SPATC1: variants seen among roughly 807,000 people sequenced by gnomAD.
SPATC1 encodes the protein spermatogenesis and centriole associated 1, also known as speriolin.
Under a neutral mutation model 36.5 loss-of-function variants are expected in SPATC1, and 35 were observed. The ratio of observed to expected loss-of-function variants is 0.96; its 90% CI spans 0.73 to 1.27. The LOEUF is 1.27. Among genes scored for constraint, SPATC1 ranks in the 50% most tolerant of loss-of-function variants. The pLI, the probability that SPATC1 is intolerant of heterozygous loss-of-function variation, is 0.00. For missense variants in SPATC1, 779 were observed against 796.0 expected (o/e 0.98, Z 0.26); for synonymous variants, 361 against 353.6 (o/e 1.02, Z -0.24).
chr8:144,034,707 C>T (rs1333176618), intron 1 of SPATC1, among the ~76,000 whole-genome samples: 4 of 151,990 alleles, frequency 2.6e-5, no homozygotes, highest in South Asian at 2.1e-4. Flanking sequence ...CTGCAACCTC[C>T]GAGTCCAGGG....
chr8:144,031,414 G>A (rs1468968656), intron 1 of SPATC1, among the ~76,000 whole-genome samples: 1 of 148,082 alleles, frequency 6.8e-6, no homozygotes, highest in Non-Finnish European at 1.5e-5. Flanking sequence ...TACATGATGA[G>A]TCACTTCTCT....
chr8:144,030,694 C>A (rs1041688403), intron 1 of SPATC1, among the ~76,000 whole-genome samples: 15 of 152,070 alleles, frequency 9.9e-5, no homozygotes, highest in Non-Finnish European at 2.1e-4. Flanking sequence ...TGTCTTTTTT[C>A]CCCTCAGTGT....
intron 1 of SPATC1, among the ~76,000 whole-genome samples, chr8:144,026,268 G>C: frequency 6.6e-6 from 1 of 152,314 alleles, no homozygotes; most frequent in Middle Eastern, 3.4e-3. Context: ...CCTGGCTATA[G>C]TTAGGGTTTT....
rs1467764388 is a variant in SPATC1, at chr8:144,046,069, C to A, written c.1447-558C>A. On this transcript the variant is annotated intron_variant, in intron 4 of 4. Transcript: ENST00000377470. This position sits in a 1 kb window ranked among gnomAD's most constrained non-coding sequence, Gnocchi z 6.6. ...AGGCCCCTCAGCGCTGGGGCCAACA[C>A]TTGCCTGGGGTTGTCAGTTCAGTGA... 6.6e-6 allele frequency among the ~76,000 whole-genome samples: 1 copy of A among 152,176 alleles called. No homozygotes were observed. Among genetic ancestry groups the A allele is most frequent in the African/African-American group, 2.4e-5 (1 of 41,440 alleles).
At chr8:144,023,940 C>T (rs1326172309) in intron 1 of SPATC1, among the ~76,000 whole-genome samples, 10 of 95,346 alleles carry the variant, frequency 1.0e-4, no homozygotes, top group African/African-American at 4.0e-4. Context: ...AAAACCTTCC[C>T]CCCTCAGGAC....
chr8:144,028,344 TCAAA>T (rs1328367418), intron 1 of SPATC1, among the ~76,000 whole-genome samples: 1 of 147,554 alleles, frequency 6.8e-6, no homozygotes, highest in African/African-American at 2.5e-5. Flanking sequence ...TACAAGGAAC[TCAAA>T]CAAATTTACA....
At chr8:144,018,430 G>T (rs1029509626) in intron 1 of SPATC1, among the ~76,000 whole-genome samples, 1 of 152,104 alleles carries the variant, frequency 6.6e-6, no homozygotes, top group African/African-American at 2.4e-5. Context: ...TAGCTGGGAG[G>T]GCATGAGGTC....
intron 1 of SPATC1, among the ~76,000 whole-genome samples, chr8:144,032,091 T>C (rs1834809291): frequency 6.6e-6 from 1 of 151,996 alleles, no homozygotes; most frequent in East Asian, 1.9e-4. Context: ...AGGACTTCTA[T>C]TAGAGTATGT....
In SPATC1 at chr8:144,040,622, T is replaced by A. The variant is rs782671167; in HGVS notation, c.821T>A (p.Met274Lys). Residue 274 changes from methionine (M) to lysine (K), a missense_variant, in exon 3 of 5, where the codon ATG becomes AAG. By Grantham distance (95) the Met-to-Lys change is moderately conservative. Transcript: ENST00000377470. ...QSTQDPEPLS[M>K]AFAGAPLQTS... ...ACCCAGGACCCAGAGCCTCTCAGCA[T>A]GGCGTTTGCAGGAGCACCCCTCCAG... 1.4e-5 allele frequency: 23 copies of A among 1,611,804 alleles called. No individual in the cohort carries two copies. In the East Asian group the frequency reaches 4.9e-4, roughly 34 times the overall value.
chr8:144,020,992 A>ACCT, intron 1 of SPATC1, among the ~76,000 whole-genome samples: 9 of 135,644 alleles, frequency 6.6e-5, no homozygotes, highest in East Asian at 2.2e-4. Context: ...TCCCCTCAGG[A>ACCT]ACCTCTTCCC....
In SPATC1 at chr8:144,040,386, G is replaced by C; in HGVS notation, c.689G>C (p.Arg230Pro). 6.2e-7 allele frequency: 1 copy of C among 1,612,338 alleles called. No individual in the cohort carries two copies. Among genetic ancestry groups the C allele is most frequent in the Non-Finnish European group, 8.5e-7 (1 of 1,179,790 alleles). ...NLVLPEAPRL[R>P]LAEPLRGGPT... ...GTCCTGCCAGAGGCCCCAAGGCTGC[G>C]GCTGGCTGAGCCACTCCGCGGAGGC... The change falls in exon 2 of 5, where the codon CGG (arginine) becomes CCG (proline). Residue 230 changes from arginine (R) to proline (P), a missense_variant. Arg to Pro is a moderately radical substitution (Grantham distance 103, BLOSUM62 -2). Transcript: ENST00000377470.
intron 1 of SPATC1, among the ~76,000 whole-genome samples, chr8:144,030,336 G>T (rs1834769006): frequency 6.6e-6 from 1 of 151,418 alleles, no homozygotes; most frequent in Non-Finnish European, 1.5e-5. Context: ...CACTATTTCT[G>T]CCACATTGCT....
intron 4 of SPATC1, among the ~76,000 whole-genome samples, chr8:144,043,092 A>C (rs1835160050): frequency 6.6e-6 from 1 of 150,800 alleles, no homozygotes; most frequent in African/African-American, 2.5e-5. Flanking sequence ...ACCTGGGTTC[A>C]AGCAATTCTC....
chr8:144,047,111 T>C lies in SPATC1; in HGVS notation c.*155T>C. 1 of 850,022 alleles carries C rather than the reference T, an allele frequency of 1.2e-6. No homozygotes were observed. The highest frequency in any genetic ancestry group is 1.8e-5 in the South Asian group (1 of 56,318). The allele number at this position is 850,022 out of a possible 1,614,324, so 52.7% of individuals were successfully genotyped here. ...TCACCGGGCCCCGGCACCGTGCCCC[T>C]TCAGCCCTGTCTGCCCTGGAGGTCA... On this transcript the variant is annotated 3_prime_UTR_variant, in exon 5 of 5. Transcript: ENST00000377470. This position sits in a 1 kb window ranked among gnomAD's most constrained non-coding sequence, Gnocchi z 4.1.
intron 1 of SPATC1, among the ~76,000 whole-genome samples, chr8:144,028,307 T>C (rs1834725670): frequency 6.6e-6 from 1 of 151,596 alleles, no homozygotes; most frequent in African/African-American, 2.4e-5. Context: ...AACCTATCCA[T>C]CTGACAAAGG....
At chr8:144,032,041 T>G (rs1251155624) in intron 1 of SPATC1, among the ~76,000 whole-genome samples, 2 of 152,078 alleles carry the variant, frequency 1.3e-5, no homozygotes, top group Admixed American at 6.6e-5. Flanking sequence ...ATATTTTTTT[T>G]TTCTGCTCCT....
intron 1 of SPATC1, among the ~76,000 whole-genome samples, chr8:144,030,043 T>C (rs1834763249): frequency 6.6e-6 from 1 of 152,278 alleles, no homozygotes; most frequent in Non-Finnish European, 1.5e-5. Context: ...TAATATATAA[T>C]GTTCTTCTTT....
intron 1 of SPATC1, among the ~76,000 whole-genome samples, chr8:144,013,551 G>A (rs1834321842): frequency 6.6e-6 from 1 of 152,142 alleles, no homozygotes; most frequent in South Asian, 2.1e-4. Flanking sequence ...CCTGAAATGT[G>A]GCATAGGGCT....
In SPATC1 at chr8:144,033,362, C is replaced by T. The variant is rs1007299605; in HGVS notation, c.212-6547C>T. Among the ~76,000 whole-genome samples the T allele has an allele frequency of 3.7e-3, 559 of 151,690 alleles. 2 individuals carry two copies. Among genetic ancestry groups the T allele is most frequent in the Non-Finnish European group, 7.1e-3 (482 of 67,906 alleles). ...GCAGTGAGCTGAGATAGTGCTATTG[C>T]ACTCTAGCCTGGGGCAACAAGAGCG... On this transcript the variant is annotated intron_variant, in intron 1 of 4. Coordinates refer to ENST00000377470, the MANE Select transcript of SPATC1 (RefSeq NM_198572.3).
Sources: gnomAD v4.1 joint callset for allele counts (sites outside exome capture counted in the v4.1 genomes callset) on GRCh38, gnomAD v4.1.1 for gene constraint, Gnocchi (gnomAD v3.1) non-coding constraint, MANE v1.5 for transcripts, NCBI Gene and HGNC (gene_info 2026-07-23, HGNC 2026-07-21) for gene names.